The following LRRC27 variants were observed in gnomAD, a reference collection of about 807,000 sequenced individuals.
The protein encoded by LRRC27 is leucine rich repeat containing 27, also known as leucine-rich repeat-containing protein 27.
LRRC27 carries 57 observed loss-of-function variants against 55.0 expected under a neutral mutation model. The observed-to-expected ratio is 1.04, with a 90% CI of 0.84 to 1.29. LRRC27 has a LOEUF of 1.29. Among genes scored for constraint, LRRC27 ranks in the 50% most tolerant of loss-of-function variants. The pLI, the probability that LRRC27 is intolerant of heterozygous loss-of-function variation, is 0.00. For synonymous variants in LRRC27, 278 were observed against 251.9 expected, an observed-to-expected ratio of 1.10 and a Z score of -0.98; for missense variants, 721 against 651.5, an observed-to-expected ratio of 1.11 and a Z score of -1.16.
intron 5 of LRRC27, among the ~76,000 whole-genome samples, chr10:132,346,854 C>G (rs1444920763): frequency 6.6e-6 from 1 of 152,162 alleles, no homozygotes; most frequent in African/African-American, 2.4e-5. Context: ...CGTTTTGAAG[C>G]ATGTTTGCCC....
chr10:132,337,736 C>G, intron 3 of LRRC27, 41 bp downstream of exon 3: 1 of 1,608,492 alleles, frequency 6.2e-7, no homozygotes, highest in Non-Finnish European at 8.5e-7. Flanking sequence ...ATCATCTTTT[C>G]AGTGCACGAG....
chr10:132,353,024 T>C, intron 7 of LRRC27: 1 of 1,593,640 alleles, frequency 6.3e-7, no homozygotes, highest in Admixed American at 1.8e-5. Context: ...CTCAGTGTCT[T>C]CTCTGTCCTC....
At chr10:132,347,635 G>T (rs2067776747) in intron 5 of LRRC27, among the ~76,000 whole-genome samples, 1 of 149,342 alleles carries the variant, frequency 6.7e-6, no homozygotes. Flanking sequence ...AGTCAGATGT[G>T]CTCAGTGGGG....
chr10:132,352,634 G>A (rs1160564210), intron 7 of LRRC27, among the ~76,000 whole-genome samples: 1 of 128,486 alleles, frequency 7.8e-6, no homozygotes, highest in Admixed American at 7.4e-5. Flanking sequence ...GCAGCGCTCC[G>A]TGTGGGGCAG....
Position 132,376,124 on chromosome 10 carries a change from T to C in LRRC27, c.*882T>C, listed in dbSNP as rs544416177. ...GTGCAATGTATCAGCATAAAGTTCC[T>C]CTTATTTTCAGTATCTTTAGGATCC... On this transcript the variant is annotated 3_prime_UTR_variant, in exon 11 of 11. Coordinates refer to ENST00000368614, the MANE Select transcript of LRRC27 (RefSeq NM_030626.3). 7 of 152,264 alleles carry C rather than the reference T, an allele frequency of 4.6e-5. No homozygotes were observed. The highest frequency in any genetic ancestry group is 8.8e-5 in the Non-Finnish European group (6 of 68,048). The allele number at this position is 152,264 out of a possible 1,614,324, so 9.4% of individuals were successfully genotyped here. A position where few individuals can be genotyped will look rare whatever the true frequency, so the allele number is the denominator to read the frequency against.
intron 8 of LRRC27, among the ~76,000 whole-genome samples, chr10:132,360,387 C>T (rs1286918973): frequency 6.6e-6 from 1 of 152,272 alleles, no homozygotes; most frequent in Middle Eastern, 3.4e-3. Context: ...TGAGCCACTG[C>T]GCCCGGCCAG....
intron 7 of LRRC27, among the ~76,000 whole-genome samples, chr10:132,352,000 AGCGCTCC>A (rs2068038763): frequency 1.5e-5 from 2 of 135,370 alleles, no homozygotes; most frequent in African/African-American, 2.8e-5. Context: ...GCGCAGGTGC[AGCGCTCC>A]GTGTGGGGCA....
At chr10:132,356,929 G>A (rs1260075373) in intron 8 of LRRC27, among the ~76,000 whole-genome samples, 1 of 152,288 alleles carries the variant, frequency 6.6e-6, no homozygotes, top group African/African-American at 2.4e-5. Context: ...AAAGGCCACG[G>A]ATTGCCTCTG....
At chr10:132,332,070 C>T (rs2066794938), upstream of LRRC27, 2 of 280,674 alleles carry the variant, frequency 7.1e-6, no homozygotes, top group Admixed American at 5.5e-5. Flanking sequence ...CACGCACACC[C>T]CCGCGCGCAG....
In LRRC27 at chr10:132,375,055, TC is replaced by T; in HGVS notation, c.1417-10del. The T allele has an allele frequency of 6.2e-7, 1 of 1,600,134 alleles. No individual in the cohort carries two copies. The highest frequency in any genetic ancestry group is 8.5e-7 in the Non-Finnish European group (1 of 1,170,628). The stretch of plus-strand genomic sequence containing the variant: ...CCTTTCTAACATCTCCCCCTCCTTG[TC>T]TCCCATAAGGCCACAGAGCTACAGG... On this transcript the variant is annotated splice_polypyrimidine_tract_variant and intron_variant, in intron 10 of 10. Transcript: ENST00000368614.
At chr10:132,356,131 G>T (rs1212346998) in intron 8 of LRRC27, among the ~76,000 whole-genome samples, 1 of 152,246 alleles carries the variant, frequency 6.6e-6, no homozygotes, top group Non-Finnish European at 1.5e-5. Flanking sequence ...AGCCGGAGGG[G>T]ACAGCTTCCC....
chr10:132,347,799 G>A (rs2067791784), intron 5 of LRRC27, among the ~76,000 whole-genome samples, 185 bp from the exon 6 acceptor site: 1 of 152,222 alleles, frequency 6.6e-6, no homozygotes, highest in Non-Finnish European at 1.5e-5. Flanking sequence ...GTGTGCCGCA[G>A]CAGGCTGGCG....
chr10:132,367,520 A>G (rs1192587109), intron 10 of LRRC27, among the ~76,000 whole-genome samples: 1 of 152,260 alleles, frequency 6.6e-6, no homozygotes, highest in African/African-American at 2.4e-5. Context: ...AATCAAATCC[A>G]GCAATGTGTA....
intron 2 of LRRC27, chr10:132,337,310 A>G (rs1434362409): frequency 6.2e-6 from 8 of 1,296,128 alleles, no homozygotes; most frequent in Non-Finnish European, 6.8e-6. Flanking sequence ...GTGCTGGGTC[A>G]GCAGCAGAGT....
chr10:132,344,924 C>T lies in LRRC27; in HGVS notation c.553+274C>T, dbSNP rs558350359. On this transcript the variant is annotated intron_variant, in intron 5 of 10. Transcript: ENST00000368614. ...GATCAATCAAATGAAACAGTTATCA[C>T]CTCCAAGCCACCCGCAGGCGGCTGC... 1.7e-5 allele frequency: 5 copies of T among 299,370 alleles called. No homozygotes were observed. In the South Asian group the frequency reaches 5.0e-4, roughly 30 times the overall value. 18.5% of individuals were successfully genotyped at this position (299,370 alleles called of 1,614,324 possible).
chr10:132,339,475 G>A (rs1386469715), intron 3 of LRRC27, among the ~76,000 whole-genome samples: 1 of 152,208 alleles, frequency 6.6e-6, no homozygotes, highest in African/African-American at 2.4e-5. Flanking sequence ...GGACTCTGGG[G>A]TCTGCAGGGC....
At chr10:132,364,485 A>ATCTACCTCCACACCCGCG (rs1564853664) in intron 9 of LRRC27, among the ~76,000 whole-genome samples, 1 of 96,190 alleles carries the variant, frequency 1.0e-5, no homozygotes, top group South Asian at 3.5e-4. Context: ...ACCCACCCAC[A>ATCTACCTCCACACCCGCG]CTTACACCCA....
intron 7 of LRRC27, chr10:132,353,315 G>A (rs1465820406): frequency 1.1e-5 from 13 of 1,146,898 alleles, no homozygotes; most frequent in African/African-American, 1.6e-5. Flanking sequence ...CTGCAGCCCG[G>A]CCCTGACTGG....
At chr10:132,346,755 C>A (rs2067717512) in intron 5 of LRRC27, among the ~76,000 whole-genome samples, 1 of 152,212 alleles carries the variant, frequency 6.6e-6, no homozygotes, top group Non-Finnish European at 1.5e-5. Context: ...TTGTCCCTGG[C>A]CCTAAATCAG....
Sources: gnomAD v4.1 joint callset for allele counts (sites outside exome capture counted in the v4.1 genomes callset) on GRCh38, gnomAD v4.1.1 for gene constraint, MANE v1.5 for transcripts, NCBI Gene and HGNC (gene_info 2026-07-23, HGNC 2026-07-21) for gene names.